The following STK33 variants were observed in gnomAD, a reference collection of about 807,000 sequenced individuals.
The protein encoded by STK33 is serine/threonine-protein kinase 33.
STK33 carries 52 observed loss-of-function variants against 58.0 expected under a neutral mutation model. The observed-to-expected ratio is 0.90, with a 90% CI of 0.72 to 1.13. The LOEUF (loss-of-function observed/expected upper bound fraction) is 1.13. Ranked by LOEUF, STK33 falls within the 50% of genes most tolerant of loss-of-function variation. STK33 has a pLI of 0.00. For missense variants in STK33, 630 were observed against 604.2 expected, an observed-to-expected ratio of 1.04 and a Z score of -0.45; for synonymous variants, 215 against 200.1, an observed-to-expected ratio of 1.07 and a Z score of -0.63.
intron 1 of STK33, among the ~76,000 whole-genome samples, chr11:8,552,504 G>A (rs903350447): frequency 8.6e-5 from 13 of 151,930 alleles, no homozygotes; most frequent in African/African-American, 2.9e-4. Context: ...ACAAATACAG[G>A]TTCAGCTTTA....
chr11:8,359,205 G>T, the STK33 span, among the ~76,000 whole-genome samples: 2 of 152,190 alleles, frequency 1.3e-5, no homozygotes, highest in African/African-American at 2.4e-5. Flanking sequence ...TTGCTCTAAA[G>T]GACATTGTTG....
At chr11:8,571,203 A>G (rs756748603) in intron 1 of STK33, among the ~76,000 whole-genome samples, 8 of 152,342 alleles carry the variant, frequency 5.3e-5, no homozygotes, top group Non-Finnish European at 1.2e-4. Context: ...CTGCAGGAGC[A>G]TGCACATGAG....
chr11:8,433,086 C>T (rs1214163910), intron 14 of STK33, among the ~76,000 whole-genome samples: 7 of 152,178 alleles, frequency 4.6e-5, no homozygotes, highest in Admixed American at 3.9e-4. Flanking sequence ...TTTTGCTGTA[C>T]TACAAACCTA....
the STK33 span, among the ~76,000 whole-genome samples, chr11:8,346,264 T>C: frequency 1.3e-5 from 2 of 152,160 alleles, no homozygotes; most frequent in African/African-American, 2.4e-5. Flanking sequence ...ACAGGAGGTG[T>C]TGCCCTTTAG....
At chr11:8,515,749 A>G (rs1952718875) in intron 1 of STK33, among the ~76,000 whole-genome samples, 1 of 152,234 alleles carries the variant, frequency 6.6e-6, no homozygotes, top group Non-Finnish European at 1.5e-5. Flanking sequence ...TTGTCTCAAT[A>G]GATGCAGAGA....
intron 1 of STK33, among the ~76,000 whole-genome samples, chr11:8,510,178 CT>C (rs1330749453): frequency 6.6e-6 from 1 of 152,066 alleles, no homozygotes; most frequent in African/African-American, 2.4e-5. Flanking sequence ...TATTTTTTGG[CT>C]TTTTAATTAT....
the STK33 span, among the ~76,000 whole-genome samples, chr11:8,369,424 C>G: frequency 2.2e-3 from 336 of 151,364 alleles, 4 homozygotes; most frequent in Admixed American, 0.02. Context: ...ATGGGATCTT[C>G]AGATCTAAGA....
At chr11:8,363,419 C>A in the STK33 span, among the ~76,000 whole-genome samples, 1 of 152,168 alleles carries the variant, frequency 6.6e-6, no homozygotes, top group Non-Finnish European at 1.5e-5. Context: ...TGGAATATAT[C>A]CCACACCCCA....
intron 11 of STK33, among the ~76,000 whole-genome samples, chr11:8,449,240 C>T (rs1364995945): frequency 2.0e-5 from 3 of 151,682 alleles, no homozygotes; most frequent in Admixed American, 2.0e-4. Context: ...CCTCAGTGAT[C>T]TAGAACTAGA....
At chr11:8,369,169 A>G in the STK33 span, among the ~76,000 whole-genome samples, 1,176 of 152,262 alleles carry the variant, frequency 7.7e-3, 10 homozygotes, top group African/African-American at 0.02. Flanking sequence ...TTGAGAGAGA[A>G]AGAAGGCTCA....
intron 1 of STK33, among the ~76,000 whole-genome samples, chr11:8,490,218 A>G (rs1466725517): frequency 1.3e-5 from 2 of 152,098 alleles, no homozygotes; most frequent in African/African-American, 2.4e-5. Flanking sequence ...CTGCCTAAAT[A>G]CTGTACTTTT....
intron 1 of STK33, among the ~76,000 whole-genome samples, chr11:8,577,719 T>C (rs1354988249): frequency 6.6e-6 from 1 of 152,148 alleles, no homozygotes; most frequent in African/African-American, 2.4e-5. Flanking sequence ...AAGGTGTAAG[T>C]ATACATGCCA....
At chr11:8,381,172 G>A in the STK33 span, among the ~76,000 whole-genome samples, 40 of 152,202 alleles carry the variant, frequency 2.6e-4, 1 homozygote, top group South Asian at 1.2e-3. Flanking sequence ...TACACTACTC[G>A]GGTGATGGGT....
At chr11:8,401,825 C>G (rs1938042969) in intron 15 of STK33, among the ~76,000 whole-genome samples, 1 of 152,160 alleles carries the variant, frequency 6.6e-6, no homozygotes, top group Admixed American at 6.5e-5. Context: ...GGACACTTCT[C>G]AAAAGAAGAC....
At chr11:8,408,690 T>A (rs1293365214) in intron 15 of STK33, among the ~76,000 whole-genome samples, 1 of 152,226 alleles carries the variant, frequency 6.6e-6, no homozygotes, top group African/African-American at 2.4e-5. Context: ...AATGAGTCAC[T>A]GGGAGGACTC....
At chr11:8,517,389 A>G (rs936541256) in intron 1 of STK33, among the ~76,000 whole-genome samples, 1 of 152,244 alleles carries the variant, frequency 6.6e-6, no homozygotes. Flanking sequence ...GAGAAACCAG[A>G]GCAGAAAAGC....
intron 1 of STK33, among the ~76,000 whole-genome samples, chr11:8,547,436 A>G (rs1956013253): frequency 6.6e-6 from 1 of 151,916 alleles, no homozygotes; most frequent in Non-Finnish European, 1.5e-5. Flanking sequence ...CTGGTCTCGA[A>G]CTCCTGACCT....
chr11:8,368,259 C>G, the STK33 span, among the ~76,000 whole-genome samples: 1 of 152,204 alleles, frequency 6.6e-6, no homozygotes, highest in Admixed American at 6.5e-5. Flanking sequence ...CCTAATCCCC[C>G]ACCCGGGCCT....
At chr11:8,420,878 T>C (rs1402910086) in intron 14 of STK33, among the ~76,000 whole-genome samples, 1 of 151,432 alleles carries the variant, frequency 6.6e-6, no homozygotes, top group African/African-American at 2.4e-5. Context: ...TGCATGCCGG[T>C]AGTCTCAGCT....
Sources: allele counts gnomAD v4.1 joint callset (sites outside exome capture counted in the v4.1 genomes callset), GRCh38; gene constraint gnomAD v4.1.1; transcripts MANE v1.5; gene names NCBI Gene and HGNC (gene_info 2026-07-23, HGNC 2026-07-21).